SLC28A3: variants seen among roughly 807,000 people sequenced by gnomAD.
SLC28A3 encodes concentrative Na(+)-nucleoside cotransporter 3.
A neutral mutation model predicts 84.2 loss-of-function variants in SLC28A3; 68 were observed. The observed-to-expected ratio is 0.81, with a 90% CI of 0.66 to 0.99. SLC28A3 has a LOEUF of 0.99. SLC28A3 is among the 50% of genes least tolerant of loss of function. The probability of loss-of-function intolerance (pLI) is 0.00; values close to 1 mark genes in which losing one functional copy is unlikely to be tolerated. For missense variants in SLC28A3, 712 were observed against 841.5 expected (o/e 0.85, Z 1.90); for synonymous variants, 267 against 303.6 (o/e 0.88, Z 1.25).
At chr9:84,326,154 A>G (rs1007034272) in intron 1 of SLC28A3, among the ~76,000 whole-genome samples, 1 of 152,112 alleles carries the variant, frequency 6.6e-6, no homozygotes, top group African/African-American at 2.4e-5. Context: ...TCTATTCTAT[A>G]TAAAATTCCA....
intron 1 of SLC28A3, among the ~76,000 whole-genome samples, chr9:84,325,043 T>C (rs1242788760): frequency 1.3e-5 from 2 of 152,204 alleles, no homozygotes; most frequent in African/African-American, 2.4e-5. Flanking sequence ...ACAAATGTAG[T>C]TTTAAGCTTA....
the SLC28A3 span, among the ~76,000 whole-genome samples, chr9:84,350,298 C>A: frequency 6.6e-6 from 1 of 151,888 alleles, no homozygotes; most frequent in Non-Finnish European, 1.5e-5. Context: ...AAAAATTAGC[C>A]GGGTGTGGTG....
chr9:84,340,531 T>G (rs1462622289), intron 1 of SLC28A3, 43 bp downstream of exon 1: 1 of 1,609,314 alleles, frequency 6.2e-7, no homozygotes, highest in Non-Finnish European at 8.5e-7. Context: ...AAGGGCAGCT[T>G]TTCCACTGAA....
intron 2 of SLC28A3, among the ~76,000 whole-genome samples, chr9:84,311,500 T>C (rs947762630): frequency 6.6e-6 from 1 of 152,082 alleles, no homozygotes; most frequent in African/African-American, 2.4e-5. Context: ...TTTGGACGCA[T>C]GTATGATGGC....
At position 84,278,105 on chromosome 9, in the gene SLC28A3, C is replaced by CTGAT. The variant is rs1824589782; in HGVS notation, c.*109_*112dup. 7.4e-7 allele frequency: 1 copy of CTGAT among 1,355,228 alleles called. No homozygotes were observed. Among genetic ancestry groups the CTGAT allele is most frequent in the African/African-American group, 1.5e-5 (1 of 68,716 alleles). 84.0% of individuals were successfully genotyped at this position (1,355,228 alleles called of 1,614,324 possible). A position where few individuals can be genotyped will look rare whatever the true frequency, so the allele number is the denominator to read the frequency against. On this transcript the variant is annotated 3_prime_UTR_variant, in exon 18 of 18. Coordinates refer to ENST00000376238, the MANE Select transcript of SLC28A3 (RefSeq NM_001199633.2). The stretch of plus-strand genomic sequence containing the variant: ...TTTTCTTCATTCCTTGCAATTAAAG[C>CTGAT]TGATTCCATTATGGAAGCATCAATC...
chr9:84,286,133 C>G (rs1454036558), intron 12 of SLC28A3, 22 bp from the exon 13 acceptor site: 3 of 1,609,716 alleles, frequency 1.9e-6, no homozygotes, highest in Admixed American at 3.3e-5. Context: ...AATAGCAATT[C>G]CAGAATTACC....
chr9:84,341,153 T>G (rs1446098014), upstream of SLC28A3, among the ~76,000 whole-genome samples: 1 of 152,060 alleles, frequency 6.6e-6, no homozygotes, highest in Non-Finnish European at 1.5e-5. Context: ...TTATTTTTAG[T>G]AGAGACGGGG....
At chr9:84,351,190 C>T in the SLC28A3 span, among the ~76,000 whole-genome samples, 1 of 152,052 alleles carries the variant, frequency 6.6e-6, no homozygotes, top group Non-Finnish European at 1.5e-5. Context: ...GCATAAACAC[C>T]CACATATTAG....
the SLC28A3 span, among the ~76,000 whole-genome samples, chr9:84,361,618 G>A: frequency 6.6e-6 from 1 of 152,088 alleles, no homozygotes; most frequent in African/African-American, 2.4e-5. Context: ...TTTGTCCCCT[G>A]TGAGGATGCG....
At chr9:84,349,387 C>T in the SLC28A3 span, among the ~76,000 whole-genome samples, 2 of 152,200 alleles carry the variant, frequency 1.3e-5, no homozygotes, top group Non-Finnish European at 2.9e-5. Context: ...CAGGTGCCTG[C>T]TACCACGCCT....
At chr9:84,366,264 A>G in the SLC28A3 span, among the ~76,000 whole-genome samples, 1 of 152,018 alleles carries the variant, frequency 6.6e-6, no homozygotes, top group East Asian at 1.9e-4. Context: ...CTCTGTGTTA[A>G]ATTTGTCTGA....
intron 5 of SLC28A3, among the ~76,000 whole-genome samples, chr9:84,300,656 G>A (rs1210624806): frequency 6.6e-6 from 1 of 152,164 alleles, no homozygotes; most frequent in Non-Finnish European, 1.5e-5. Flanking sequence ...ACTGGTCTTG[G>A]GTCCTGCTCA....
chr9:84,363,582 A>G, the SLC28A3 span, among the ~76,000 whole-genome samples: 1 of 152,184 alleles, frequency 6.6e-6, no homozygotes, highest in African/African-American at 2.4e-5. Flanking sequence ...CCATATTATT[A>G]TTAGTTTCAC....
intron 10 of SLC28A3, among the ~76,000 whole-genome samples, chr9:84,290,719 C>T (rs1043811197): frequency 7.9e-5 from 12 of 152,176 alleles, no homozygotes; most frequent in Admixed American, 6.5e-4. Context: ...TATGCAGTGG[C>T]CTAACCTTCT....
chr9:84,296,668 A>T (rs1825426331), intron 8 of SLC28A3, among the ~76,000 whole-genome samples: 1 of 152,172 alleles, frequency 6.6e-6, no homozygotes, highest in South Asian at 2.1e-4. Flanking sequence ...TTCCTTCTTT[A>T]GTTAGGAGAA....
chr9:84,299,593 C>G lies in SLC28A3; in HGVS notation c.657G>C (p.Lys219Asn). 2 of 1,613,816 alleles carry G rather than the reference C, an allele frequency of 1.2e-6. No homozygotes were observed. Among genetic ancestry groups the G allele is most frequent in the South Asian group, 2.2e-5 (2 of 90,984 alleles). The change falls in exon 6 of 18, where the codon AAG becomes AAC. Residue 219 changes from lysine to asparagine, a missense_variant. Transcript: ENST00000376238. The stretch of plus-strand genomic sequence containing the variant: ...ACTGGATACTTACTCTGGTTGGGTA[C>G]TTGGAAAATAGAAATAACAGGACAA... The part of the protein sequence containing the change: ...MYIVLLFLFS[K>N]YPTRVYWRPV...
intron 7 of SLC28A3, 79 bp from the exon 8 acceptor site, chr9:84,297,377 T>C: frequency 8.6e-7 from 1 of 1,164,954 alleles, no homozygotes; most frequent in Non-Finnish European, 1.2e-6. Context: ...TGCTAGGCTC[T>C]CAGAGGACGG....
the SLC28A3 span, among the ~76,000 whole-genome samples, chr9:84,346,038 A>G: frequency 3.3e-5 from 5 of 152,232 alleles, no homozygotes; most frequent in African/African-American, 1.2e-4. Context: ...TTTGTGAGAA[A>G]TAGCTTGTGC....
At chr9:84,281,992 A>G (rs1824770666) in intron 14 of SLC28A3, among the ~76,000 whole-genome samples, 1 of 150,738 alleles carries the variant, frequency 6.6e-6, no homozygotes, top group East Asian at 1.9e-4. Context: ...CAAAAAAAAC[A>G]TTAGCCAGGC....
Sources: allele counts gnomAD v4.1 joint callset (sites outside exome capture counted in the v4.1 genomes callset), GRCh38; gene constraint gnomAD v4.1.1; transcripts MANE v1.5; gene names NCBI Gene and HGNC (gene_info 2026-07-23, HGNC 2026-07-21).